Variants in ZNF595 observed in about 807,000 individuals in gnomAD.
ZNF595 encodes the protein zinc finger protein 595.
In ZNF595, 9 loss-of-function variants were observed where a neutral mutation model predicts 19.4. That is an observed-to-expected ratio of 0.46 (90% CI 0.28 to 0.81). ZNF595 has a LOEUF of 0.81. ZNF595 is among the 30% of genes least tolerant of loss of function. The pLI is 0.11. For synonymous variants in ZNF595, 255 were observed against 255.9 expected (o/e 1.00, Z 0.03); for missense variants, 729 against 736.0 (o/e 0.99, Z 0.11).
intron 1 of ZNF595, among the ~76,000 whole-genome samples, chr4:55,000 G>T (rs1712562038): frequency 6.6e-6 from 1 of 151,138 alleles, no homozygotes; most frequent in Admixed American, 6.6e-5. Context: ...TCCTAACTCA[G>T]TCTCCCGAGT....
Position 85,614 on chromosome 4 carries a change from A to T in ZNF595, c.227-117A>T, listed in dbSNP as rs1714101461. 3.3e-6 allele frequency: 4 copies of T among 1,218,482 alleles called. No individual in the cohort carries two copies. The Admixed American group carries it at 1.1e-4, about 34-fold the overall frequency. The allele number at this position is 1,218,482 out of a possible 1,614,324, so 75.5% of individuals were successfully genotyped here. A position where few individuals can be genotyped will look rare whatever the true frequency, so the allele number is the denominator to read the frequency against. On this transcript the variant is annotated intron_variant, in intron 3 of 3. Transcript: ENST00000610261. ...GTCTGTGAAGAAATTATGGCCTGTG[A>T]TATTTTGTTATGCTATCTTACTAAT...
chr4:80,735 T>G (rs543448418), intron 3 of ZNF595, among the ~76,000 whole-genome samples: 2 of 152,182 alleles, frequency 1.3e-5, no homozygotes, highest in Non-Finnish European at 2.9e-5. Flanking sequence ...TGTCATCAGT[T>G]AAGGCAGGAA....
chr4:79,998 G>GA (rs1713838166), intron 3 of ZNF595, among the ~76,000 whole-genome samples: 1 of 152,154 alleles, frequency 6.6e-6, no homozygotes, highest in African/African-American at 2.4e-5. Context: ...TGTGGATGCA[G>GA]AAGCAGCATT....
At chr4:69,538 C>G (rs148163224) in intron 3 of ZNF595, among the ~76,000 whole-genome samples, 2 of 152,188 alleles carry the variant, frequency 1.3e-5, no homozygotes, top group Admixed American at 6.5e-5. Flanking sequence ...TTTGTATGCC[C>G]TTTTTTGAGA....
chr4:86,912 CAT>C lies in ZNF595; in HGVS notation c.1410_1411del (p.His470GlnfsTer13), dbSNP rs1714222924. On this transcript the variant is annotated frameshift_variant, in exon 4 of 4. Coordinates refer to ENST00000610261, the MANE Select transcript of ZNF595 (RefSeq NM_182524.4). LOFTEE classifies it high-confidence loss of function. ...TACACGGTCCACAACACTGAACGAA[CAT>C]AAGAAAATTCATACTGGCGAGAAAC... ...AFTRSTTLNE[H>X]KKIHTGEKPY... The C allele has an allele frequency of 1.1e-5, 18 of 1,610,706 alleles. No individual in the cohort carries two copies. Among genetic ancestry groups the C allele is most frequent in the Non-Finnish European group, 1.4e-5 (17 of 1,178,122 alleles).
intron 3 of ZNF595, among the ~76,000 whole-genome samples, chr4:77,641 C>T (rs1713726000): frequency 6.6e-6 from 1 of 152,176 alleles, no homozygotes; most frequent in Non-Finnish European, 1.5e-5. Flanking sequence ...GGTCACATAA[C>T]TACTACTATG....
intron 3 of ZNF595, among the ~76,000 whole-genome samples, chr4:82,229 T>C (rs1413547350): frequency 6.6e-6 from 1 of 152,134 alleles, no homozygotes; most frequent in Non-Finnish European, 1.5e-5. Context: ...TGCAAAAATT[T>C]AATTAAAAAT....
intron 3 of ZNF595, among the ~76,000 whole-genome samples, chr4:84,423 G>T (rs555197003): frequency 1.3e-4 from 20 of 152,144 alleles, no homozygotes; most frequent in African/African-American, 4.6e-4. Flanking sequence ...TCAACATTTG[G>T]TTATCTTGAA....
chr4:82,244 CAG>C (rs1467875208), intron 3 of ZNF595, among the ~76,000 whole-genome samples: 1 of 151,886 alleles, frequency 6.6e-6, no homozygotes, highest in South Asian at 2.1e-4. Flanking sequence ...AAAAATGTGA[CAG>C]AGATTGCATT....
chr4:72,542 G>C (rs1675127778), intron 3 of ZNF595, among the ~76,000 whole-genome samples: 1 of 152,110 alleles, frequency 6.6e-6, no homozygotes, highest in African/African-American at 2.4e-5. Context: ...CCTGTTATCT[G>C]CATATTTGAG....
intron 3 of ZNF595, among the ~76,000 whole-genome samples, chr4:68,913 T>G (rs1713318281): frequency 6.6e-6 from 1 of 152,210 alleles, no homozygotes; most frequent in South Asian, 2.1e-4. Context: ...CACTATACTT[T>G]CCAGCCTCTG....
At chr4:83,646 G>C in intron 3 of ZNF595, among the ~76,000 whole-genome samples, 1 of 108,452 alleles carries the variant, frequency 9.2e-6, no homozygotes, top group African/African-American at 3.8e-5. Context: ...AAAAAAAAAA[G>C]AAAGAAAGAA....
chr4:85,604 A>C, intron 3 of ZNF595, 127 bp from the exon 4 acceptor site: 4 of 1,109,726 alleles, frequency 3.6e-6, no homozygotes, highest in Non-Finnish European at 5.0e-6. Context: ...TGAAGAAATT[A>C]TGGCCTGTGA....
At chr4:81,575 A>G (rs375309710) in intron 3 of ZNF595, among the ~76,000 whole-genome samples, 1 of 152,214 alleles carries the variant, frequency 6.6e-6, no homozygotes, top group Non-Finnish European at 1.5e-5. Context: ...ACAATCTTAA[A>G]TATTTTTAAA....
At position 67,891 on chromosome 4, in the gene ZNF595, C is replaced by CTTTTT; in HGVS notation, c.226+7747_226+7751dup. ...TTCTGATATGATTTTAGGATTGCTT[C>CTTTTT]TTTTTTTTTTTTTGAGGCGGAGTGG... On this transcript the variant is annotated intron_variant, in intron 3 of 3. Transcript: ENST00000610261. 4 of 462,640 alleles carry CTTTTT rather than the reference C, an allele frequency of 8.6e-6. No individual in the cohort carries two copies. In the South Asian group the frequency reaches 9.0e-5, roughly 10 times the overall value. 28.7% of individuals were successfully genotyped at this position (462,640 alleles called of 1,614,324 possible).
At chr4:74,654 T>C (rs1280455425) in intron 3 of ZNF595, among the ~76,000 whole-genome samples, 1 of 152,188 alleles carries the variant, frequency 6.6e-6, no homozygotes, top group African/African-American at 2.4e-5. Flanking sequence ...TGATTCGGTC[T>C]GGAAAGGTGG....
chr4:75,493 T>A, intron 3 of ZNF595, among the ~76,000 whole-genome samples: 1 of 152,192 alleles, frequency 6.6e-6, no homozygotes, highest in East Asian at 1.9e-4. Flanking sequence ...CATGACCTAA[T>A]AACTTAAGGG....
intron 3 of ZNF595, among the ~76,000 whole-genome samples, chr4:70,578 TC>T (rs1713387444): frequency 6.6e-6 from 1 of 152,190 alleles, no homozygotes. Context: ...TCTCAAGTGA[TC>T]CACCTGTCTC....
At chr4:76,317 T>C (rs939608800) in intron 3 of ZNF595, among the ~76,000 whole-genome samples, 2 of 152,180 alleles carry the variant, frequency 1.3e-5, no homozygotes, top group African/African-American at 4.8e-5. Context: ...AAAGTTAACT[T>C]ATGTGTGTAG....
Sources: allele counts gnomAD v4.1 joint callset (sites outside exome capture counted in the v4.1 genomes callset), GRCh38; gene constraint gnomAD v4.1.1; transcripts MANE v1.5; gene names NCBI Gene and HGNC (gene_info 2026-07-23, HGNC 2026-07-21).